Variants in TMTC2 observed in about 807,000 individuals in gnomAD.
TMTC2 encodes the protein transmembrane O-mannosyltransferase targeting cadherins 2, also known as protein O-mannosyl-transferase TMTC2.
TMTC2 carries 43 observed loss-of-function variants against 82.4 expected under a neutral mutation model. The observed-to-expected ratio is 0.52, with a 90% CI of 0.41 to 0.67. The LOEUF (loss-of-function observed/expected upper bound fraction) is 0.67. Among genes scored for constraint, TMTC2 ranks in the 30% least tolerant of loss-of-function variants. TMTC2 has a pLI of 0.00. For missense variants in TMTC2, 919 were observed against 1,012.4 expected (o/e 0.91, Z 1.25); for synonymous variants, 408 against 381.9 (o/e 1.07, Z -0.80).
At chr12:82,996,887 T>A (rs1042032562) in intron 8 of TMTC2, among the ~76,000 whole-genome samples, 1 of 152,006 alleles carries the variant, frequency 6.6e-6, no homozygotes, top group African/African-American at 2.4e-5. Flanking sequence ...AATCAGAAAT[T>A]TACTCACTTA....
rs558755410 is a variant in TMTC2 at position 82,815,730 on chromosome 12, T to C, written c.84-41280T>C. ...AGTTTGTAGGCCAAAACATTAACTG[T>C]CCAGTGAAGGTGTGACCCGGCAAAT... On this transcript the variant is annotated intron_variant, in intron 1 of 11. Coordinates refer to ENST00000321196, the MANE Select transcript of TMTC2 (RefSeq NM_152588.3). Among the ~76,000 whole-genome samples, 26 of 152,190 alleles carry C rather than the reference T, an allele frequency of 1.7e-4. 1 individual carries two copies. The highest frequency in any genetic ancestry group is 5.2e-4 in the Admixed American group (8 of 15,278).
intron 8 of TMTC2, among the ~76,000 whole-genome samples, chr12:83,023,702 CT>C (rs1472664266): frequency 6.6e-6 from 1 of 152,214 alleles, no homozygotes; most frequent in Non-Finnish European, 1.5e-5. Flanking sequence ...GGAATCATTC[CT>C]CCCTTGTGAG....
intron 10 of TMTC2, among the ~76,000 whole-genome samples, chr12:83,061,298 A>T (rs1311499524): frequency 6.6e-6 from 1 of 151,830 alleles, no homozygotes. Context: ...AAACATGGAA[A>T]GTTCCCTCCA....
intron 3 of TMTC2, among the ~76,000 whole-genome samples, chr12:82,904,260 C>G (rs1022438261): frequency 6.6e-6 from 1 of 151,872 alleles, no homozygotes; most frequent in African/African-American, 2.4e-5. Context: ...TTTTTTCTTC[C>G]TTTGAAAGCC....
chr12:82,750,009 A>T (rs896150676), intron 1 of TMTC2, among the ~76,000 whole-genome samples: 1 of 152,056 alleles, frequency 6.6e-6, no homozygotes, highest in Non-Finnish European at 1.5e-5. Context: ...AAGTGCTGGG[A>T]TTCCAGGCAT....
At chr12:82,796,891 A>G (rs941587308) in intron 1 of TMTC2, among the ~76,000 whole-genome samples, 6 of 152,138 alleles carry the variant, frequency 3.9e-5, no homozygotes, top group African/African-American at 1.4e-4. Flanking sequence ...ATGGGGATAT[A>G]AAAGTTCCTA....
intron 1 of TMTC2, among the ~76,000 whole-genome samples, chr12:82,829,981 A>G (rs2137075039): frequency 6.6e-6 from 1 of 152,288 alleles, no homozygotes; most frequent in East Asian, 1.9e-4. Context: ...TATAGCCAGA[A>G]AGGTGAGCAG....
At chr12:82,697,460 A>C (rs143529924) in intron 1 of TMTC2, among the ~76,000 whole-genome samples, 1 of 152,300 alleles carries the variant, frequency 6.6e-6, no homozygotes, top group East Asian at 1.9e-4. Context: ...GTTCATTTAA[A>C]TGTATTACAG....
chr12:82,899,018 ATGTT>A (rs891914521), intron 3 of TMTC2, among the ~76,000 whole-genome samples: 11 of 152,220 alleles, frequency 7.2e-5, no homozygotes, highest in African/African-American at 2.4e-4. Context: ...CACAGTTAGA[ATGTT>A]TGATCATTTC....
At chr12:83,012,340 A>G (rs1295610674) in intron 8 of TMTC2, among the ~76,000 whole-genome samples, 2 of 152,196 alleles carry the variant, frequency 1.3e-5, no homozygotes, top group African/African-American at 4.8e-5. Flanking sequence ...TTACACAACT[A>G]ATTAGACAAA....
chr12:83,107,357 G>A (rs1006878630), intron 11 of TMTC2, among the ~76,000 whole-genome samples: 1 of 152,166 alleles, frequency 6.6e-6, no homozygotes, highest in South Asian at 2.1e-4. Context: ...AAGTCCAAGG[G>A]CATGGTGCTG....
At chr12:82,928,753 T>C (rs1262545754) in intron 3 of TMTC2, among the ~76,000 whole-genome samples, 1 of 152,176 alleles carries the variant, frequency 6.6e-6, no homozygotes, top group Non-Finnish European at 1.5e-5. Flanking sequence ...TGGAACTGTG[T>C]TGAGAGCTTG....
chr12:82,755,490 T>G (rs1239400725), intron 1 of TMTC2, among the ~76,000 whole-genome samples: 1 of 152,240 alleles, frequency 6.6e-6, no homozygotes, highest in Non-Finnish European at 1.5e-5. Flanking sequence ...GTTCCTGGCA[T>G]TTTTGTTGAA....
At chr12:82,838,803 A>G (rs1870186754) in intron 1 of TMTC2, among the ~76,000 whole-genome samples, 1 of 140,330 alleles carries the variant, frequency 7.1e-6, no homozygotes. Context: ...TTTTTTTGAG[A>G]TGAGTAGGAC....
At chr12:82,759,504 T>C (rs1437396912) in intron 1 of TMTC2, 1 of 152,200 alleles carries the variant, frequency 6.6e-6, no homozygotes, top group Non-Finnish European at 1.5e-5. Flanking sequence ...CACTGGAACA[T>C]TGAGGTCTTG....
In TMTC2 at chr12:82,857,598, C is replaced by T. The variant is rs781662588; in HGVS notation, c.654+18C>T. ...TTTACAAAGTAAGTGATTGTTGGCTCTTGAGCATTGGATTACTGAGTAATC... is the reference window on the plus strand; with the variant it reads ...TTTACAAAGTAAGTGATTGTTGGCTTTTGAGCATTGGATTACTGAGTAATC... On this transcript the variant is annotated intron_variant, in intron 2 of 11. Transcript: ENST00000321196. 4.4e-6 allele frequency: 7 copies of T among 1,577,894 alleles called. No individual in the cohort carries two copies. The highest frequency in any genetic ancestry group is 6.0e-6 in the Non-Finnish European group (7 of 1,161,130).
intron 7 of TMTC2, among the ~76,000 whole-genome samples, chr12:82,973,627 A>G (rs369012512): frequency 9.8e-5 from 15 of 152,318 alleles, no homozygotes; most frequent in African/African-American, 3.4e-4. Flanking sequence ...ATTATGTACT[A>G]TGGTTACAGA....
At chr12:82,753,425 C>T (rs1322126920) in intron 1 of TMTC2, among the ~76,000 whole-genome samples, 1 of 147,776 alleles carries the variant, frequency 6.8e-6, no homozygotes, top group Non-Finnish European at 1.5e-5. Flanking sequence ...TGTGGTTTTA[C>T]TGTGTGGAGG....
At chr12:82,821,591 T>C (rs1022925014) in intron 1 of TMTC2, among the ~76,000 whole-genome samples, 3 of 152,074 alleles carry the variant, frequency 2.0e-5, no homozygotes, top group Non-Finnish European at 4.4e-5. Context: ...GGATTCCTGC[T>C]ATGTGGTAGG....
Sources: allele counts gnomAD v4.1 joint callset (sites outside exome capture counted in the v4.1 genomes callset), GRCh38; gene constraint gnomAD v4.1.1; transcripts MANE v1.5; gene names NCBI Gene and HGNC (gene_info 2026-07-23, HGNC 2026-07-21).